Variants in PPHLN1 observed in about 807,000 individuals in gnomAD.
The protein encoded by PPHLN1 is periphilin-1.
PPHLN1 carries 29 observed loss-of-function variants against 51.3 expected under a neutral mutation model. The observed-to-expected ratio is 0.57, with a 90% confidence interval of 0.42 to 0.77. The LOEUF is 0.77. Among genes scored for constraint, PPHLN1 ranks in the 30% least tolerant of loss-of-function variants. The probability of loss-of-function intolerance (pLI) is 0.00; values close to 1 mark genes in which losing one functional copy is unlikely to be tolerated. For synonymous variants in PPHLN1, 147 were observed against 147.8 expected (o/e 0.99, Z 0.04); for missense variants, 436 against 438.4 (o/e 0.99, Z 0.05).
intron 9 of PPHLN1, among the ~76,000 whole-genome samples, chr12:42,401,835 G>A (rs1242889557): frequency 6.6e-6 from 1 of 151,812 alleles, no homozygotes; most frequent in Admixed American, 6.6e-5. Flanking sequence ...CCATTTTGAG[G>A]TGTTTTTTGT....
chr12:42,427,803 G>A (rs1182166448), intron 9 of PPHLN1, among the ~76,000 whole-genome samples: 1 of 152,148 alleles, frequency 6.6e-6, no homozygotes, highest in Non-Finnish European at 1.5e-5. Flanking sequence ...AAAAGGAACA[G>A]TCAGCAAAGT....
chr12:42,342,202 A>C (rs929969416), intron 2 of PPHLN1, among the ~76,000 whole-genome samples: 1 of 152,194 alleles, frequency 6.6e-6, no homozygotes, highest in Non-Finnish European at 1.5e-5. Flanking sequence ...TGATTTCTTA[A>C]CCTTTATCAA....
chr12:42,426,785 T>C (rs539429697), intron 9 of PPHLN1, among the ~76,000 whole-genome samples: 6 of 152,312 alleles, frequency 3.9e-5, no homozygotes, highest in East Asian at 1.9e-4. Context: ...ACTCAACTCA[T>C]TGGACCCAGT....
intron 9 of PPHLN1, among the ~76,000 whole-genome samples, chr12:42,418,401 T>G (rs1318301723): frequency 6.6e-6 from 1 of 152,120 alleles, no homozygotes; most frequent in African/African-American, 2.4e-5. Flanking sequence ...GTAAACGTGT[T>G]AAATGCAATG....
intron 4 of PPHLN1, among the ~76,000 whole-genome samples, chr12:42,360,632 C>G (rs2074566355): frequency 6.6e-6 from 1 of 151,548 alleles, no homozygotes; most frequent in Non-Finnish European, 1.5e-5. Flanking sequence ...GTAGCTGGGA[C>G]TACAGGCGTG....
At chr12:42,394,513 AC>A (rs2078021950) in intron 8 of PPHLN1, among the ~76,000 whole-genome samples, 2 of 152,162 alleles carry the variant, frequency 1.3e-5, no homozygotes, top group South Asian at 4.1e-4. Flanking sequence ...ATACTTAACT[AC>A]ATCTTTATAC....
intron 9 of PPHLN1, among the ~76,000 whole-genome samples, chr12:42,412,394 C>T (rs1022414244): frequency 2.6e-5 from 4 of 151,486 alleles, no homozygotes; most frequent in Non-Finnish European, 4.4e-5. Context: ...GCTTCCAGCT[C>T]TATCAGAATT....
At chr12:42,441,098 A>T (rs1241718742) in intron 9 of PPHLN1, among the ~76,000 whole-genome samples, 2 of 152,224 alleles carry the variant, frequency 1.3e-5, no homozygotes, top group African/African-American at 4.8e-5. Flanking sequence ...TAGTTTGTTA[A>T]TGTTTTCCTT....
chr12:42,430,374 T>G (rs2139840322), intron 9 of PPHLN1, among the ~76,000 whole-genome samples: 1 of 152,330 alleles, frequency 6.6e-6, no homozygotes, highest in East Asian at 1.9e-4. Context: ...AAAATTCAAA[T>G]GTAACTTTTG....
At chr12:42,400,328 C>G (rs937807207) in intron 9 of PPHLN1, 5 of 151,340 alleles carry the variant, frequency 3.3e-5, no homozygotes, top group Admixed American at 6.6e-5. Flanking sequence ...ATTAGCCGGG[C>G]GTAGTGGCGG....
chr12:42,445,344 C>G, downstream of PPHLN1: 1 of 529,492 alleles, frequency 1.9e-6, no homozygotes, highest in Non-Finnish European at 3.4e-6. Context: ...CCTGCAATGC[C>G]CAGATTGCCA....
chr12:42,358,296 C>A (rs61926568), intron 4 of PPHLN1, among the ~76,000 whole-genome samples: 24,720 of 151,934 alleles, frequency 0.16, 2,059 homozygotes, highest in Admixed American at 0.2. Context: ...ATATATAAAT[C>A]TCTAATCCCC....
At chr12:42,416,176 T>A (rs1409432076) in intron 9 of PPHLN1, among the ~76,000 whole-genome samples, 1 of 152,170 alleles carries the variant, frequency 6.6e-6, no homozygotes, top group Non-Finnish European at 1.5e-5. Context: ...TCTCGCCTCC[T>A]GTACAAATCT....
intron 9 of PPHLN1, chr12:42,399,311 T>C: frequency 1.1e-6 from 1 of 873,206 alleles, no homozygotes; most frequent in African/African-American, 1.8e-5. Flanking sequence ...TAGCAAAATG[T>C]TAGCAAATGT....
At chr12:42,367,228 C>G (rs928520507) in intron 4 of PPHLN1, among the ~76,000 whole-genome samples, 11 of 152,070 alleles carry the variant, frequency 7.2e-5, no homozygotes, top group Admixed American at 1.3e-4. Flanking sequence ...ATTTTCCTTC[C>G]AACACTAACA....
rs555612469 is a variant in PPHLN1 at position 42,410,843 on chromosome 12, T to C, written c.909+11849T>C. On this transcript the variant is annotated intron_variant, in intron 9 of 9. Transcript: ENST00000358314. The stretch of plus-strand genomic sequence containing the variant: ...TATTTATTGAGATTTATGTAAATTA[T>C]GTATTCTCATTAGATCTTTACAACA... 7.9e-5 allele frequency among the ~76,000 whole-genome samples: 12 copies of C among 152,380 alleles called. No individual in the cohort carries two copies. In the South Asian group the frequency reaches 2.3e-3, roughly 29 times the overall value.
chr12:42,352,088 A>C (rs954130051), intron 3 of PPHLN1, 39 bp downstream of exon 3: 1 of 1,371,094 alleles, frequency 7.3e-7, no homozygotes, highest in Non-Finnish European at 9.5e-7. Context: ...GTTATTTCTT[A>C]TAAGTTTAAA....
chr12:42,351,988 G>A lies in PPHLN1; in HGVS notation c.176G>A (p.Arg59Gln), dbSNP rs368264784. ...YNRYYSHVDYRDYDEGRSFSH... is the reference protein window; with the variant it reads ...YNRYYSHVDYQDYDEGRSFSH... ...AGATATTACAGTCATGTTGATTACC[G>A]AGACTATGACGAGGGCCGCAGTTTT... Residue 59 changes from arginine to glutamine, a missense_variant, in exon 3 of 10, where the codon CGA becomes CAA. Physicochemically the swap from Arg to Gln is conservative, Grantham distance 43. Coordinates refer to ENST00000358314, the MANE Select transcript of PPHLN1 (RefSeq NM_201439.2). 6.4e-6 allele frequency: 10 copies of A among 1,570,296 alleles called. No homozygotes were observed. Among genetic ancestry groups the A allele is most frequent in the East Asian group, 4.8e-5 (2 of 42,056 alleles).
intron 9 of PPHLN1, among the ~76,000 whole-genome samples, chr12:42,438,234 A>T (rs947540136): frequency 6.6e-6 from 1 of 152,168 alleles, no homozygotes; most frequent in Non-Finnish European, 1.5e-5. Context: ...TTTGCTTTGT[A>T]AGAAACTGCT....
Sources: allele counts gnomAD v4.1 joint callset (sites outside exome capture counted in the v4.1 genomes callset), GRCh38; gene constraint gnomAD v4.1.1; transcripts MANE v1.5; gene names NCBI Gene and HGNC (gene_info 2026-07-23, HGNC 2026-07-21).